Variants in MKLN1 observed in about 807,000 individuals in gnomAD.
MKLN1 encodes muskelin.
In MKLN1, 18 loss-of-function variants were observed where a neutral mutation model predicts 99.0. That is an observed-to-expected ratio of 0.18 (90% CI 0.13 to 0.27). The LOEUF (loss-of-function observed/expected upper bound fraction) is 0.27, where lower values mean the gene tolerates loss of function less well. Among genes scored for constraint, MKLN1 ranks in the 10% least tolerant of loss-of-function variants. MKLN1 has a pLI of 1.00. For missense variants in MKLN1, 621 were observed against 875.9 expected (o/e 0.71, Z 3.67); for synonymous variants, 288 against 293.2 (o/e 0.98, Z 0.18).
intron 3 of MKLN1, among the ~76,000 whole-genome samples, chr7:131,218,062 G>C (rs1223163441): frequency 6.6e-6 from 1 of 152,186 alleles, no homozygotes; most frequent in East Asian, 1.9e-4. Flanking sequence ...ATGCTGATTG[G>C]TTGGGTTGGG....
chr7:131,360,315 A>G (rs1055898235), intron 1 of MKLN1, among the ~76,000 whole-genome samples: 13 of 152,146 alleles, frequency 8.5e-5, no homozygotes, highest in Non-Finnish European at 1.5e-5. Flanking sequence ...TTGGATTGAT[A>G]TCTACCATAT....
intron 2 of MKLN1, among the ~76,000 whole-genome samples, chr7:131,185,018 G>A (rs145265517): frequency 2.3e-3 from 348 of 152,296 alleles, no homozygotes; most frequent in Non-Finnish European, 4.0e-3. Flanking sequence ...CAGAAACCCT[G>A]CTGGAGTTGC....
chr7:131,122,513 C>T (rs893732404), intron 1 of MKLN1, among the ~76,000 whole-genome samples: 5 of 152,260 alleles, frequency 3.3e-5, no homozygotes, highest in African/African-American at 1.2e-4. Context: ...TTTGCTTTTC[C>T]TCGTCTATGA....
rs764516837 is a variant in MKLN1 at position 131,463,371 on chromosome 7, AACTC to A, written c.1673+8_1673+11del. The A allele has an allele frequency of 1.2e-6, 2 of 1,608,284 alleles. No homozygotes were observed. Among genetic ancestry groups the A allele is most frequent in the Non-Finnish European group, 1.7e-6 (2 of 1,177,696 alleles). ...ACATTGTGAGGAATAGTTGGTAAGG[AACTC>A]TTGTCTCTGCTGCAATCCCAATGTA... is the stretch of plus-strand genomic sequence containing the variant. On this transcript the variant is annotated splice_region_variant and intron_variant, in intron 13 of 17. Transcript: ENST00000352689.
At chr7:131,296,740 G>A (rs1798296892) in intron 3 of MKLN1, among the ~76,000 whole-genome samples, 1 of 152,020 alleles carries the variant, frequency 6.6e-6, no homozygotes, top group Non-Finnish European at 1.5e-5. Context: ...TCATTTTTAT[G>A]TATTTATTTA....
At chr7:131,146,470 A>G (rs973042993) in intron 2 of MKLN1, among the ~76,000 whole-genome samples, 2 of 152,244 alleles carry the variant, frequency 1.3e-5, no homozygotes, top group African/African-American at 4.8e-5. Flanking sequence ...CAAAGGGTGG[A>G]TGATTCTATA....
chr7:131,484,706 G>A (rs936932221), intron 17 of MKLN1, among the ~76,000 whole-genome samples: 1 of 152,128 alleles, frequency 6.6e-6, no homozygotes, highest in Non-Finnish European at 1.5e-5. Flanking sequence ...AGCCATTTTA[G>A]TACAGTGCTT....
chr7:131,252,329 CTT>C (rs60581249), intron 3 of MKLN1, among the ~76,000 whole-genome samples: 3 of 118,522 alleles, frequency 2.5e-5, no homozygotes, highest in Non-Finnish European at 3.3e-5. Context: ...TTTTTCTTTT[CTT>C]TTTTTTTTTT....
chr7:131,435,680 C>T (rs1472030160), intron 9 of MKLN1, among the ~76,000 whole-genome samples: 1 of 151,758 alleles, frequency 6.6e-6, no homozygotes, highest in East Asian at 1.9e-4. Flanking sequence ...CAGATTTTAC[C>T]TATGTTTTTG....
intron 1 of MKLN1, among the ~76,000 whole-genome samples, chr7:131,333,759 A>T (rs1197117606): frequency 6.6e-6 from 1 of 152,138 alleles, no homozygotes; most frequent in East Asian, 1.9e-4. Flanking sequence ...GCTGGTCCCG[A>T]ACTCCTGACC....
intron 3 of MKLN1, among the ~76,000 whole-genome samples, chr7:131,317,411 A>T (rs1798689152): frequency 6.6e-6 from 1 of 152,186 alleles, no homozygotes; most frequent in Admixed American, 6.5e-5. Flanking sequence ...ATGCTGAGGG[A>T]TTTTGTCACC....
chr7:131,448,949 A>G (rs539996458), intron 12 of MKLN1, among the ~76,000 whole-genome samples: 99 of 152,290 alleles, frequency 6.5e-4, no homozygotes, highest in Non-Finnish European at 1.1e-3. Flanking sequence ...GGATTCATCT[A>G]TGGACCTGGA....
intron 16 of MKLN1, among the ~76,000 whole-genome samples, chr7:131,478,266 C>T (rs768550106): frequency 1.2e-4 from 19 of 152,262 alleles, no homozygotes; most frequent in Non-Finnish European, 1.0e-4. Flanking sequence ...AATTCAGTAA[C>T]GGGACCCAGG....
intron 3 of MKLN1, among the ~76,000 whole-genome samples, chr7:131,299,986 ACT>A (rs1243892417): frequency 2.0e-5 from 3 of 152,288 alleles, no homozygotes; most frequent in East Asian, 1.9e-4. Context: ...CTCGGGGTAA[ACT>A]CTGCAGCCAC....
At chr7:131,388,766 T>G (rs1235989466) in intron 3 of MKLN1, 118 bp from the exon 4 acceptor site, 2 of 631,204 alleles carry the variant, frequency 3.2e-6, no homozygotes, top group Non-Finnish European at 5.5e-6. Flanking sequence ...TATATTGTCT[T>G]GGTCATAATA....
chr7:131,255,699 C>T (rs1359720142), intron 3 of MKLN1, among the ~76,000 whole-genome samples: 6 of 151,834 alleles, frequency 4.0e-5, no homozygotes, highest in Non-Finnish European at 8.8e-5. Context: ...CTGCCTCAGC[C>T]TCCTGAGCAG....
intron 6 of MKLN1, among the ~76,000 whole-genome samples, chr7:131,410,978 C>T (rs570240750): frequency 6.6e-6 from 1 of 152,150 alleles, no homozygotes; most frequent in East Asian, 1.9e-4. Flanking sequence ...GTCTCTAACC[C>T]TCTGATAATG....
chr7:131,181,577 C>T (rs1027264478), intron 2 of MKLN1, among the ~76,000 whole-genome samples: 8 of 151,814 alleles, frequency 5.3e-5, no homozygotes, highest in East Asian at 1.9e-4. Flanking sequence ...GACTTGGTGG[C>T]GCACACATTT....
At chr7:131,142,893 T>G in exon 2 of MKLN1, 2 of 1,304,370 alleles carry the variant, frequency 1.5e-6, no homozygotes, top group Non-Finnish European at 2.0e-6. Context: ...CCATAAACTA[T>G]TGGATTCATA....
Sources: gnomAD v4.1 joint callset for allele counts (sites outside exome capture counted in the v4.1 genomes callset) on GRCh38, gnomAD v4.1.1 for gene constraint, MANE v1.5 for transcripts, NCBI Gene and HGNC (gene_info 2026-07-23, HGNC 2026-07-21) for gene names.